The following NOLC1 variants were observed in gnomAD, a reference collection of about 807,000 sequenced individuals.
NOLC1 encodes the protein 140 kDa nucleolar phosphoprotein.
In NOLC1, 37 loss-of-function variants were observed where a neutral mutation model predicts 73.4. The ratio of observed to expected loss-of-function variants is 0.50; its 90% CI spans 0.39 to 0.66. The LOEUF (loss-of-function observed/expected upper bound fraction) is 0.66. NOLC1 is among the 30% of genes least tolerant of loss of function. The probability of loss-of-function intolerance (pLI) is 0.00; values close to 1 mark genes in which losing one functional copy is unlikely to be tolerated. For missense variants in NOLC1, 921 were observed against 838.9 expected, an observed-to-expected ratio of 1.10 and a Z score of -1.21; for synonymous variants, 327 against 302.6, an observed-to-expected ratio of 1.08 and a Z score of -0.84.
chr10:102,157,395 T>C (rs1465624212), intron 3 of NOLC1, 36 bp from the exon 4 acceptor site: 3 of 1,613,660 alleles, frequency 1.9e-6, no homozygotes, highest in African/African-American at 1.3e-5. Flanking sequence ...TTGTTTCACA[T>C]GGCTGATTCT....
At chr10:102,156,816 CAT>C (rs1329026304) in intron 1 of NOLC1, among the ~76,000 whole-genome samples, 1 of 152,096 alleles carries the variant, frequency 6.6e-6, no homozygotes, top group African/African-American at 2.4e-5. Context: ...GTGCCGCAAA[CAT>C]AGGAGTAGCC....
chr10:102,154,804 G>A (rs1421190997), intron 1 of NOLC1, among the ~76,000 whole-genome samples: 1 of 152,094 alleles, frequency 6.6e-6, no homozygotes, highest in Non-Finnish European at 1.5e-5. Flanking sequence ...TGGGATTACA[G>A]GCCCGTGAGC....
intron 1 of NOLC1, among the ~76,000 whole-genome samples, chr10:102,154,238 A>C (rs1158407521): frequency 7.9e-6 from 1 of 126,422 alleles, no homozygotes; most frequent in African/African-American, 2.9e-5. Context: ...TGCCTGGCTA[A>C]TTTTTTTTTT....
chr10:102,160,933 G>C lies in NOLC1; in HGVS notation c.1581G>C (p.Glu527Asp). The stretch of plus-strand genomic sequence containing the variant: ...GTTCTTCTTCTGATGACTCCAGTGA[G>C]GAAGAGGAAGAGAAGCTCAAGGGCA... ...SNSSSSDDSS[E>D]EEEEKLKGKG... is the part of the protein sequence containing the mutation. The change falls in exon 10 of 13, where the codon GAG becomes GAC. Residue 527 changes from glutamate (E) to aspartate (D), a missense_variant. Glu to Asp is a conservative substitution (Grantham distance 45, BLOSUM62 2). Transcript: ENST00000605788. 6.2e-7 allele frequency: 1 copy of C among 1,614,160 alleles called. No individual in the cohort carries two copies. The highest frequency in any genetic ancestry group is 1.3e-5 in the African/African-American group (1 of 75,054).
At chr10:102,155,291 T>C (rs1042306106) in intron 1 of NOLC1, among the ~76,000 whole-genome samples, 4 of 151,684 alleles carry the variant, frequency 2.6e-5, no homozygotes, top group Admixed American at 2.6e-4. Context: ...TCACAAAGTG[T>C]TGGGATTACA....
chr10:102,161,715 C>G, intron 11 of NOLC1, 53 bp downstream of exon 11: 1 of 1,556,332 alleles, frequency 6.4e-7, no homozygotes, highest in East Asian at 2.3e-5. Flanking sequence ...GTAGAAAAAT[C>G]TAGGATCATC....
chr10:102,155,670 A>G (rs2069583247), intron 1 of NOLC1, among the ~76,000 whole-genome samples: 1 of 151,022 alleles, frequency 6.6e-6, no homozygotes. Flanking sequence ...CACCATGCCC[A>G]GTTAATTTTT....
chr10:102,153,622 A>G (rs1327435767), intron 1 of NOLC1, among the ~76,000 whole-genome samples: 3 of 150,250 alleles, frequency 2.0e-5, no homozygotes, highest in Non-Finnish European at 4.4e-5. Flanking sequence ...GACTGCGGAG[A>G]GTGCTTTCAC....
intron 1 of NOLC1, among the ~76,000 whole-genome samples, chr10:102,154,197 A>C (rs537228807): frequency 1.8e-4 from 27 of 146,818 alleles, no homozygotes; most frequent in South Asian, 1.1e-3. Context: ...TCAGCTTCCC[A>C]AGTAGCTGGG....
chr10:102,159,056 C>A (rs1285386012), intron 5 of NOLC1, 137 bp from the exon 6 acceptor site: 1 of 946,094 alleles, frequency 1.1e-6, no homozygotes, highest in Non-Finnish European at 1.5e-6. Context: ...CAGAGCCAGA[C>A]TCCGTCTCCA....
At chr10:102,156,505 A>G (rs1468001171) in intron 1 of NOLC1, among the ~76,000 whole-genome samples, 1 of 150,422 alleles carries the variant, frequency 6.6e-6, no homozygotes, top group East Asian at 1.9e-4. Flanking sequence ...TCCTAGGTTC[A>G]AGTGATTCTC....
chr10:102,156,978 G>T (rs2069606548), intron 1 of NOLC1, 41 bp from the exon 2 acceptor site: 5 of 1,589,966 alleles, frequency 3.1e-6, no homozygotes, highest in Non-Finnish European at 4.3e-6. Flanking sequence ...AGCATAACCA[G>T]GATAAAATAA....
intron 5 of NOLC1, 99 bp downstream of exon 5, chr10:102,158,313 T>C: frequency 2.1e-6 from 2 of 960,004 alleles, no homozygotes; most frequent in Non-Finnish European, 3.0e-6. Flanking sequence ...ATGGTACTGT[T>C]TGTTGAACTG....
At chr10:102,152,630 CAGTCCAG>C in intron 1 of NOLC1, 100 bp downstream of exon 1, 1 of 1,537,540 alleles carries the variant, frequency 6.5e-7, no homozygotes, top group Non-Finnish European at 8.8e-7. Flanking sequence ...GGGGGTCCGC[CAGTCCAG>C]TGTCTGCAAG....
chr10:102,160,214 T>C lies in NOLC1; in HGVS notation c.989-19T>C. 2 of 1,610,088 alleles carry C rather than the reference T, an allele frequency of 1.2e-6. No homozygotes were observed. The highest frequency in any genetic ancestry group is 1.1e-5 in the South Asian group (1 of 90,996). Reference sequence around the variant, plus strand: ...GGTTGGGACTCTGGACCCAGCATAATGCTACAGGTTCTCCTCAGATTCAAG... The same window carrying C: ...GGTTGGGACTCTGGACCCAGCATAACGCTACAGGTTCTCCTCAGATTCAAG... On this transcript the variant is annotated intron_variant, in intron 8 of 12. Coordinates refer to ENST00000605788, the MANE Select transcript of NOLC1 (RefSeq NM_004741.5).
At position 102,162,975 on chromosome 10, in the gene NOLC1, T is replaced by C. The variant is rs2069738475; in HGVS notation, c.*706T>C. 1 of 152,244 alleles carries C rather than the reference T, an allele frequency of 6.6e-6. No homozygotes were observed. The highest frequency in any genetic ancestry group is 1.5e-5 in the Non-Finnish European group (1 of 68,040). 9.4% of individuals were successfully genotyped at this position (152,244 alleles called of 1,614,324 possible). A position where few individuals can be genotyped will look rare whatever the true frequency, so the allele number is the denominator to read the frequency against. On this transcript the variant is annotated 3_prime_UTR_variant, in exon 13 of 13. Transcript: ENST00000605788. ...CTGAATATATTTTTTTCTGTAATTT[T>C]ATCATTACACGATGTTTGCAATACG... is the stretch of plus-strand genomic sequence containing the variant.
At position 102,159,435 on chromosome 10, in the gene NOLC1, T is replaced by A. The variant is rs2069660548; in HGVS notation, c.726T>A (p.Thr242=). 1 of 1,614,030 alleles carries A rather than the reference T, an allele frequency of 6.2e-7. No homozygotes were observed. The highest frequency in any genetic ancestry group is 8.5e-7 in the Non-Finnish European group (1 of 1,180,022). Residue 242 remains threonine, a splice_region_variant and synonymous_variant, in exon 7 of 13, where the codon ACT becomes ACA. Coordinates refer to ENST00000605788, the MANE Select transcript of NOLC1 (RefSeq NM_004741.5). The stretch of plus-strand genomic sequence containing the variant: ...AATCAATTTTCTTTCTAATGCAGAC[T>A]GTACCTAAAAAGCAAGTTGTGGCCA... ...EEKAAATPKK[T]VPKKQVVAKA... is the part of the protein sequence containing the mutation.
At chr10:102,155,040 T>G (rs567524983) in intron 1 of NOLC1, among the ~76,000 whole-genome samples, 60 of 146,390 alleles carry the variant, frequency 4.1e-4, no homozygotes, top group Middle Eastern at 6.9e-3. Context: ...TTTTTTTTTT[T>G]TGTGACAGTT....
intron 10 of NOLC1, 87 bp downstream of exon 10, chr10:102,161,180 G>A: frequency 3.7e-6 from 5 of 1,354,706 alleles, no homozygotes; most frequent in South Asian, 1.5e-5. Context: ...AGTGAGAGGA[G>A]GCCCACCACT....
Sources: gnomAD v4.1 joint callset for allele counts (sites outside exome capture counted in the v4.1 genomes callset) on GRCh38, gnomAD v4.1.1 for gene constraint, MANE v1.5 for transcripts, NCBI Gene and HGNC (gene_info 2026-07-23, HGNC 2026-07-21) for gene names.